Variants in CAST observed in about 807,000 individuals in gnomAD.
The protein encoded by CAST is MIR583 host.
In CAST, 76 loss-of-function variants were observed where a neutral mutation model predicts 119.6. The ratio of observed to expected loss-of-function variants is 0.64; its 90% confidence interval spans 0.53 to 0.77. The LOEUF is 0.77. Ranked by LOEUF, CAST falls within the 30% of genes least tolerant of loss-of-function variation. CAST has a pLI of 0.00. For missense variants in CAST, 953 were observed against 946.5 expected (o/e 1.01, Z -0.09); for synonymous variants, 319 against 331.6 (o/e 0.96, Z 0.41).
the CAST span, among the ~76,000 whole-genome samples, chr5:96,072,661 G>A: frequency 5.3e-5 from 8 of 152,184 alleles, no homozygotes; most frequent in South Asian, 4.1e-4. Context: ...GGTGTGTTAC[G>A]CATTTGCTGC....
At chr5:96,023,741 G>A in the CAST span, among the ~76,000 whole-genome samples, 1 of 151,946 alleles carries the variant, frequency 6.6e-6, no homozygotes, top group Non-Finnish European at 1.5e-5. Context: ...AATGTTATGA[G>A]TCAAGCTTAC....
chr5:96,219,801 G>GA, the CAST span, among the ~76,000 whole-genome samples: 1 of 151,162 alleles, frequency 6.6e-6, no homozygotes, highest in Non-Finnish European at 1.5e-5. Context: ...AGGAGAGAAA[G>GA]AAAAGAAAAA....
chr5:96,452,956 CAAA>C, the CAST span, among the ~76,000 whole-genome samples: 2 of 62,716 alleles, frequency 3.2e-5, no homozygotes, highest in Non-Finnish European at 5.0e-5. Flanking sequence ...GACTCCGTCT[CAAA>C]AAAAAAAAAA....
the CAST span, among the ~76,000 whole-genome samples, chr5:96,109,460 G>A: frequency 5.9e-5 from 9 of 152,308 alleles, no homozygotes; most frequent in Middle Eastern, 6.8e-3. Context: ...ACTAGAAAAT[G>A]TTGATGAGGC....
chr5:96,107,607 G>T, the CAST span, among the ~76,000 whole-genome samples: 6 of 152,134 alleles, frequency 3.9e-5, no homozygotes, highest in Non-Finnish European at 1.5e-5. Context: ...TTAGTCTGAT[G>T]GGCTTCCCTT....
At chr5:96,236,342 T>A in the CAST span, among the ~76,000 whole-genome samples, 2 of 152,180 alleles carry the variant, frequency 1.3e-5, no homozygotes, top group African/African-American at 4.8e-5. Context: ...GCCTGGCTGT[T>A]TGTACCCTGA....
chr5:95,990,072 A>G, the CAST span, among the ~76,000 whole-genome samples: 5 of 152,152 alleles, frequency 3.3e-5, no homozygotes, highest in African/African-American at 1.2e-4. Context: ...GATTCCTTCC[A>G]TTTTCCAGAT....
At chr5:96,582,173 G>T (rs1401058901) in intron 1 of CAST, among the ~76,000 whole-genome samples, 1 of 151,638 alleles carries the variant, frequency 6.6e-6, no homozygotes, top group Non-Finnish European at 1.5e-5. Flanking sequence ...ATTAGGCAGA[G>T]TGACCTTCTT....
At chr5:96,569,412 G>A (rs989869960) in intron 1 of CAST, among the ~76,000 whole-genome samples, 9 of 152,258 alleles carry the variant, frequency 5.9e-5, no homozygotes, top group Admixed American at 2.6e-4. Context: ...TTTTTAAAAC[G>A]AAAGTCTACT....
At chr5:96,281,618 C>T in the CAST span, among the ~76,000 whole-genome samples, 8 of 152,126 alleles carry the variant, frequency 5.3e-5, no homozygotes, top group Non-Finnish European at 1.5e-5. Flanking sequence ...CCTTGCCATC[C>T]CTGGTTCACA....
upstream of CAST, chr5:96,662,104 C>T (rs1220467505): frequency 2.7e-5 from 8 of 296,486 alleles, 1 homozygote. Context: ...GCTGCAACCT[C>T]CAACCCCTTC....
the CAST span, among the ~76,000 whole-genome samples, chr5:96,515,931 C>T: frequency 1.3e-5 from 2 of 151,472 alleles, no homozygotes; most frequent in African/African-American, 4.9e-5. Context: ...GATAAACTCT[C>T]CTATTAAAGC....
intron 9 of CAST, among the ~76,000 whole-genome samples, chr5:96,732,933 A>T (rs1358085559): frequency 6.6e-6 from 1 of 152,224 alleles, no homozygotes; most frequent in East Asian, 1.9e-4. Context: ...AGTAATATAG[A>T]TTTATCTATA....
chr5:96,604,549 TTGAG>T (rs1309821912), intron 1 of CAST, among the ~76,000 whole-genome samples: 1 of 152,144 alleles, frequency 6.6e-6, no homozygotes, highest in African/African-American at 2.4e-5. Flanking sequence ...TTTGCAGGAC[TTGAG>T]TAAGTAAAAG....
chr5:96,469,877 A>AT, the CAST span, among the ~76,000 whole-genome samples: 6 of 99,990 alleles, frequency 6.0e-5, no homozygotes, highest in Non-Finnish European at 7.7e-5. Flanking sequence ...ATATATATAT[A>AT]TAATATATAT....
intron 19 of CAST, among the ~76,000 whole-genome samples, chr5:96,750,185 CAAAT>C (rs1764687957): frequency 1.3e-5 from 2 of 152,030 alleles, no homozygotes; most frequent in South Asian, 2.1e-4. Flanking sequence ...TACATAATGA[CAAAT>C]AAATAATAGA....
At chr5:96,318,125 G>T in the CAST span, among the ~76,000 whole-genome samples, 1 of 152,212 alleles carries the variant, frequency 6.6e-6, no homozygotes, top group African/African-American at 2.4e-5. Context: ...TGTAGTGAGA[G>T]CAGCAAAAAC....
chr5:96,258,385 C>T, the CAST span, among the ~76,000 whole-genome samples: 1 of 152,230 alleles, frequency 6.6e-6, no homozygotes, highest in Non-Finnish European at 1.5e-5. Context: ...CCTTTTATTA[C>T]TATTACCTTC....
the CAST span, among the ~76,000 whole-genome samples, chr5:96,012,350 T>C: frequency 6.6e-6 from 1 of 152,130 alleles, no homozygotes; most frequent in African/African-American, 2.4e-5. Flanking sequence ...TTACCCAAAG[T>C]AAATAATTAT....
Sources: gnomAD v4.1 joint callset for allele counts (sites outside exome capture counted in the v4.1 genomes callset) on GRCh38, gnomAD v4.1.1 for gene constraint, MANE v1.5 for transcripts, NCBI Gene and HGNC (gene_info 2026-07-23, HGNC 2026-07-21) for gene names.